The following AGBL4 variants were observed in gnomAD, a reference collection of about 807,000 sequenced individuals.
AGBL4 encodes the protein AGBL carboxypeptidase 4.
AGBL4 carries 58 observed loss-of-function variants against 66.4 expected under a neutral mutation model. The ratio of observed to expected loss-of-function variants is 0.87; its 90% confidence interval spans 0.71 to 1.09. The LOEUF (loss-of-function observed/expected upper bound fraction) is 1.09, where lower values mean the gene tolerates loss of function less well. AGBL4 is among the 50% of genes least tolerant of loss of function. The pLI is 0.00. For synonymous variants in AGBL4, 234 were observed against 222.9 expected, an observed-to-expected ratio of 1.05 and a Z score of -0.44; for missense variants, 579 against 631.0, an observed-to-expected ratio of 0.92 and a Z score of 0.88.
At chr1:49,507,606 GT>G (rs1648818494) in intron 3 of AGBL4, among the ~76,000 whole-genome samples, 1 of 151,818 alleles carries the variant, frequency 6.6e-6, no homozygotes, top group Admixed American at 6.6e-5. Flanking sequence ...GAAGCTGCAG[GT>G]TATTCAATTG....
intron 1 of AGBL4, among the ~76,000 whole-genome samples, chr1:50,004,119 C>G (rs79183324): frequency 6.6e-6 from 1 of 152,188 alleles, no homozygotes; most frequent in Non-Finnish European, 1.5e-5. Flanking sequence ...AGAATCTTTG[C>G]GCACTTGAGG....
intron 1 of AGBL4, among the ~76,000 whole-genome samples, chr1:49,876,939 T>G (rs2148127753): frequency 6.6e-6 from 1 of 151,840 alleles, no homozygotes; most frequent in East Asian, 1.9e-4. Flanking sequence ...GGGAGTTCAC[T>G]CATTATTTGG....
intron 3 of AGBL4, among the ~76,000 whole-genome samples, chr1:49,304,332 C>T (rs1217301779): frequency 6.6e-6 from 1 of 152,178 alleles, no homozygotes; most frequent in East Asian, 1.9e-4. Context: ...GTCTATGACA[C>T]ATGCACTTTT....
chr1:50,001,952 G>C (rs1226203279), intron 1 of AGBL4, among the ~76,000 whole-genome samples: 1 of 152,096 alleles, frequency 6.6e-6, no homozygotes, highest in African/African-American at 2.4e-5. Context: ...AGCATGGCAT[G>C]GTGGAAATGA....
At chr1:49,402,737 T>C (rs972890615) in intron 3 of AGBL4, among the ~76,000 whole-genome samples, 2 of 152,110 alleles carry the variant, frequency 1.3e-5, no homozygotes, top group Non-Finnish European at 2.9e-5. Flanking sequence ...CTGGCTAATT[T>C]TGTATTTTTA....
chr1:49,684,549 T>C (rs916847835), intron 3 of AGBL4, among the ~76,000 whole-genome samples: 4 of 152,152 alleles, frequency 2.6e-5, no homozygotes, highest in Non-Finnish European at 4.4e-5. Context: ...CATAAACAAG[T>C]AACCATGTCA....
intron 2 of AGBL4, among the ~76,000 whole-genome samples, chr1:49,740,442 A>G (rs1006371476): frequency 6.6e-6 from 1 of 152,162 alleles, no homozygotes; most frequent in African/African-American, 2.4e-5. Flanking sequence ...CTCCCACACA[A>G]TAATAATGGG....
intron 3 of AGBL4, among the ~76,000 whole-genome samples, chr1:49,580,776 C>T (rs1486896781): frequency 1.3e-5 from 2 of 152,096 alleles, no homozygotes; most frequent in Non-Finnish European, 2.9e-5. Context: ...ATGTTTTTCT[C>T]TTGCTGTTTT....
intron 6 of AGBL4, among the ~76,000 whole-genome samples, chr1:48,812,480 A>G (rs1646073953): frequency 6.6e-6 from 1 of 152,196 alleles, no homozygotes; most frequent in Non-Finnish European, 1.5e-5. Flanking sequence ...TTATTTATTC[A>G]TCAAACACTC....
chr1:49,847,424 C>T (rs1234868148), intron 2 of AGBL4, among the ~76,000 whole-genome samples: 1 of 152,070 alleles, frequency 6.6e-6, no homozygotes, highest in Admixed American at 6.5e-5. Flanking sequence ...CTTAATTAAA[C>T]TAAAAAGCTT....
intron 3 of AGBL4, among the ~76,000 whole-genome samples, chr1:49,462,190 A>T (rs543270373): frequency 6.6e-6 from 1 of 151,908 alleles, no homozygotes; most frequent in South Asian, 2.1e-4. Context: ...ATAATAGCTC[A>T]TTGAAGGCAG....
At chr1:49,948,578 TATATAGAGAGAGAG>T (rs1452546381) in intron 1 of AGBL4, among the ~76,000 whole-genome samples, 13 of 126,464 alleles carry the variant, frequency 1.0e-4, no homozygotes, top group East Asian at 4.3e-4. Flanking sequence ...TATATATATA[TATATAGAGAGAGAG>T]AGAGAGAGAG....
At chr1:49,541,720 TG>T (rs1399199491) in intron 3 of AGBL4, among the ~76,000 whole-genome samples, 1 of 152,168 alleles carries the variant, frequency 6.6e-6, no homozygotes, top group African/African-American at 2.4e-5. Context: ...GGCGAGGGAA[TG>T]GCGGGCAGCT....
intron 1 of AGBL4, among the ~76,000 whole-genome samples, chr1:49,959,404 C>T (rs1557620272): frequency 6.6e-6 from 1 of 151,912 alleles, no homozygotes; most frequent in Admixed American, 6.6e-5. Context: ...TTGAAAATAG[C>T]AGGATTCATA....
chr1:49,424,915 C>T (rs1023508827), intron 3 of AGBL4, among the ~76,000 whole-genome samples: 1 of 152,116 alleles, frequency 6.6e-6, no homozygotes, highest in Non-Finnish European at 1.5e-5. Context: ...AAATGAAGAT[C>T]TGGCCCCAGG....
At chr1:49,054,547 T>G (rs1446513843) in intron 4 of AGBL4, among the ~76,000 whole-genome samples, 1 of 152,016 alleles carries the variant, frequency 6.6e-6, no homozygotes, top group East Asian at 1.9e-4. Flanking sequence ...GGAGTAAAAT[T>G]TATTTTGAAT....
chr1:48,786,754 T>C (rs554908765), intron 6 of AGBL4, among the ~76,000 whole-genome samples: 12 of 152,274 alleles, frequency 7.9e-5, no homozygotes, highest in African/African-American at 2.9e-4. Flanking sequence ...GCCAAGGCAT[T>C]AGAACCTGTT....
intron 5 of AGBL4, among the ~76,000 whole-genome samples, chr1:48,901,029 A>G (rs1652030676): frequency 6.6e-6 from 1 of 152,208 alleles, no homozygotes; most frequent in Non-Finnish European, 1.5e-5. Flanking sequence ...ATAATAAAAA[A>G]AGCAACCTAA....
chr1:48,936,396 C>A (rs1655479238), intron 5 of AGBL4, among the ~76,000 whole-genome samples: 1 of 152,166 alleles, frequency 6.6e-6, no homozygotes, highest in South Asian at 2.1e-4. Context: ...TGATGACAAT[C>A]CACAGGCCAG....
Sources: gnomAD v4.1 joint callset for allele counts (sites outside exome capture counted in the v4.1 genomes callset) on GRCh38, gnomAD v4.1.1 for gene constraint, MANE v1.5 for transcripts, NCBI Gene and HGNC (gene_info 2026-07-23, HGNC 2026-07-21) for gene names.